Variants in PPP2R5E observed in about 807,000 individuals in gnomAD.
PPP2R5E encodes the protein protein phosphatase 2 regulatory subunit B'epsilon.
Under a neutral mutation model 65.3 loss-of-function variants are expected in PPP2R5E, and 4 were observed. The ratio of observed to expected loss-of-function variants is 0.06; its 90% confidence interval spans 0.03 to 0.14. The LOEUF is 0.14. Ranked by LOEUF, PPP2R5E falls within the 10% of genes least tolerant of loss-of-function variation. The pLI is 1.00. For synonymous variants in PPP2R5E, 183 were observed against 187.4 expected (o/e 0.98, Z 0.19); for missense variants, 274 against 556.1 (o/e 0.49, Z 5.10).
At chr14:63,498,368 T>C (rs1891685171) in intron 2 of PPP2R5E, among the ~76,000 whole-genome samples, 1 of 77,722 alleles carries the variant, frequency 1.3e-5, no homozygotes, top group Admixed American at 9.7e-5. Context: ...CTTGACATCA[T>C]TTCTTTTCTT....
intron 3 of PPP2R5E, among the ~76,000 whole-genome samples, chr14:63,448,170 G>A (rs900212385): frequency 3.3e-5 from 5 of 152,090 alleles, no homozygotes; most frequent in East Asian, 1.9e-4. Flanking sequence ...GGTGGCGGGC[G>A]CCTGTAGTCC....
intron 2 of PPP2R5E, among the ~76,000 whole-genome samples, chr14:63,472,794 G>A (rs1472459247): frequency 6.6e-6 from 1 of 152,220 alleles, no homozygotes; most frequent in Admixed American, 6.5e-5. Context: ...TGGGAAATGA[G>A]AGGGAGGAAT....
At chr14:63,534,293 T>TC (rs1457978354) in intron 2 of PPP2R5E, among the ~76,000 whole-genome samples, 1 of 152,022 alleles carries the variant, frequency 6.6e-6, no homozygotes, top group Non-Finnish European at 1.5e-5. Context: ...GTCTTGACTT[T>TC]CTTTTTTTTT....
rs181504780 is a variant in PPP2R5E at position 63,432,395 on chromosome 14, C to T, written c.355-10301G>A. On this transcript the variant is annotated intron_variant, in intron 3 of 13. Coordinates refer to ENST00000337537, the MANE Select transcript of PPP2R5E (RefSeq NM_006246.5). ...ACAAATAATTTGGTCCCCTTAGACA[C>T]GGAGTCTCTAGAAGATCGGAGCACT... 1.5e-4 allele frequency among the ~76,000 whole-genome samples: 23 copies of T among 152,228 alleles called. No homozygotes were observed. In the East Asian group the frequency reaches 3.5e-3, roughly 23 times the overall value.
intron 3 of PPP2R5E, 51 bp downstream of exon 3, chr14:63,453,638 G>A (rs769906121): frequency 4.3e-5 from 67 of 1,557,162 alleles, no homozygotes; most frequent in Non-Finnish European, 5.7e-5. Context: ...ACACCTGTGA[G>A]TCACTATGGA....
rs866862279 is a variant in PPP2R5E, at chr14:63,513,373, G to A, written c.157+26156C>T. ...TGAAGAACTTGGAAAATGAGGTTCCGGTAAAAGAAAATCTCCCCTCAAATA... is the reference window on the plus strand; with the variant it reads ...TGAAGAACTTGGAAAATGAGGTTCCAGTAAAAGAAAATCTCCCCTCAAATA... On this transcript the variant is annotated intron_variant, in intron 2 of 13. Transcript: ENST00000337537. 5.9e-5 allele frequency among the ~76,000 whole-genome samples: 9 copies of A among 152,110 alleles called. 1 individual carries two copies. The Middle Eastern group carries it at 0.01, about 172-fold the overall frequency.
At chr14:63,525,018 G>A (rs7153729) in intron 2 of PPP2R5E, among the ~76,000 whole-genome samples, 16,341 of 152,174 alleles carry the variant, frequency 0.11, 933 homozygotes, top group East Asian at 0.16. Context: ...GAGCCAGACC[G>A]GCCTAGGGTC....
intron 12 of PPP2R5E, 38 bp downstream of exon 12, chr14:63,384,405 AG>A: frequency 6.3e-7 from 1 of 1,585,966 alleles, no homozygotes; most frequent in Non-Finnish European, 8.6e-7. Context: ...AAAGAGAGGA[AG>A]GGAGGAAGAG....
At chr14:63,462,197 A>C (rs985322276) in intron 2 of PPP2R5E, among the ~76,000 whole-genome samples, 2 of 151,766 alleles carry the variant, frequency 1.3e-5, no homozygotes, top group Admixed American at 1.3e-4. Flanking sequence ...CAGCTTCCCG[A>C]GTAGCTGGGA....
At chr14:63,427,159 C>A (rs527480574) in intron 3 of PPP2R5E, among the ~76,000 whole-genome samples, 2 of 152,206 alleles carry the variant, frequency 1.3e-5, no homozygotes, top group Non-Finnish European at 2.9e-5. Flanking sequence ...GCACCAACAT[C>A]ACTCCCCACC....
intron 3 of PPP2R5E, among the ~76,000 whole-genome samples, chr14:63,436,523 A>T (rs78441976): frequency 0.038 from 5,779 of 152,328 alleles, 367 homozygotes; most frequent in African/African-American, 0.13. Flanking sequence ...GTTGGTGAGT[A>T]ATTAAAACAC....
chr14:63,473,944 T>C (rs1255065352), intron 2 of PPP2R5E, among the ~76,000 whole-genome samples: 2 of 152,130 alleles, frequency 1.3e-5, no homozygotes, highest in Admixed American at 1.3e-4. Flanking sequence ...ATGACAGTAT[T>C]AAAGTTGGAG....
intron 2 of PPP2R5E, among the ~76,000 whole-genome samples, chr14:63,456,259 T>TCATTTAAGCAGTGACAAC (rs529817748): frequency 4.7e-4 from 72 of 152,208 alleles, no homozygotes; most frequent in Non-Finnish European, 9.0e-4. Flanking sequence ...AAGTACATCA[T>TCATTTAAGCAGTGACAAC]CATTTAAGCA....
intron 2 of PPP2R5E, among the ~76,000 whole-genome samples, chr14:63,457,726 C>A (rs1208933212): frequency 2.0e-5 from 3 of 152,202 alleles, no homozygotes; most frequent in East Asian, 1.9e-4. Context: ...TATGTAATAC[C>A]GTGAAGGTCA....
intron 5 of PPP2R5E, among the ~76,000 whole-genome samples, chr14:63,399,608 CTT>C (rs1393992305): frequency 6.6e-6 from 1 of 151,720 alleles, no homozygotes; most frequent in Non-Finnish European, 1.5e-5. Context: ...AAATTGGAAA[CTT>C]TAAAATGGTG....
intron 2 of PPP2R5E, among the ~76,000 whole-genome samples, chr14:63,538,045 G>A (rs1389586001): frequency 6.6e-5 from 10 of 151,978 alleles, no homozygotes; most frequent in Non-Finnish European, 1.2e-4. Context: ...GGTGGCTCAC[G>A]CCTAAATCCT....
intron 2 of PPP2R5E, among the ~76,000 whole-genome samples, chr14:63,509,223 G>A (rs915960562): frequency 2.0e-5 from 3 of 148,572 alleles, no homozygotes; most frequent in African/African-American, 5.0e-5. Context: ...TATGACATGC[G>A]CTATAATTTA....
At chr14:63,430,365 A>ACATG (rs1555359654) in intron 3 of PPP2R5E, among the ~76,000 whole-genome samples, 25 of 132,192 alleles carry the variant, frequency 1.9e-4, no homozygotes, top group Non-Finnish European at 3.2e-4. Flanking sequence ...ATACATACAT[A>ACATG]CATACATGCA....
intron 2 of PPP2R5E, among the ~76,000 whole-genome samples, chr14:63,464,031 G>A (rs547702784): frequency 6.6e-5 from 10 of 152,208 alleles, no homozygotes; most frequent in East Asian, 1.9e-4. Context: ...AAAATAACCC[G>A]AAAATTTTGT....
Sources: gnomAD v4.1 joint callset for allele counts (sites outside exome capture counted in the v4.1 genomes callset) on GRCh38, gnomAD v4.1.1 for gene constraint, MANE v1.5 for transcripts, NCBI Gene and HGNC (gene_info 2026-07-23, HGNC 2026-07-21) for gene names.